The following UGT1A1 variants were observed in gnomAD, a reference collection of about 807,000 sequenced individuals.
UGT1A1 encodes UDP-glucuronosyltransferase 1A1.
Under a neutral mutation model 40.6 loss-of-function variants are expected in UGT1A1, and 33 were observed. The observed-to-expected ratio is 0.81, with a 90% CI of 0.62 to 1.09. The LOEUF is 1.09. Among genes scored for constraint, UGT1A1 ranks in the 50% least tolerant of loss-of-function variants. UGT1A1 has a pLI of 0.00. For missense variants in UGT1A1, 694 were observed against 671.2 expected, an observed-to-expected ratio of 1.03 and a Z score of -0.38; for synonymous variants, 249 against 265.0, an observed-to-expected ratio of 0.94 and a Z score of 0.59.
chr2:233,762,171 C>T (rs564011835), intron 1 of UGT1A1, among the ~76,000 whole-genome samples: 29 of 152,266 alleles, frequency 1.9e-4, no homozygotes, highest in African/African-American at 6.5e-4. Flanking sequence ...CTGTATGCGG[C>T]GTCCTCAACA....
At position 233,768,097 on chromosome 2, in the gene UGT1A1, T is replaced by C. The variant is rs1699562988; in HGVS notation, c.1085-123T>C. On this transcript the variant is annotated intron_variant, in intron 3 of 4. Transcript: ENST00000305208. ...GGGTATCTCAACCCACATTTTCTTC[T>C]GCAAATTTCTGCAAGGGCATGTGAG... The C allele has an allele frequency of 4.4e-6, 7 of 1,590,772 alleles. No homozygotes were observed. The Admixed American group carries it at 1.2e-4, about 28-fold the overall frequency.
intron 2 of UGT1A1, 111 bp downstream of exon 2, chr2:233,767,276 C>CGGAA (rs1699353550): frequency 6.3e-7 from 1 of 1,578,136 alleles, no homozygotes; most frequent in Non-Finnish European, 8.5e-7. Context: ...TTGGCTTTTC[C>CGGAA]CTGCCACTTC....
rs1338074257 is a variant in UGT1A1 at position 233,772,677 on chromosome 2, A to G, written c.*118A>G. On this transcript the variant is annotated 3_prime_UTR_variant, in exon 5 of 5. Transcript: ENST00000305208. ...ATTAAGGAAATACTTTGCATAAATTAATCAGCCCCAGAGTGCTTTAAAAAA... is the reference window on the plus strand; with the variant it reads ...ATTAAGGAAATACTTTGCATAAATTGATCAGCCCCAGAGTGCTTTAAAAAA... 14 of 1,531,978 alleles carry G rather than the reference A, an allele frequency of 9.1e-6. No homozygotes were observed. The highest frequency in any genetic ancestry group is 1.1e-5 in the Non-Finnish European group (13 of 1,142,190). 94.9% of individuals were successfully genotyped at this position (1,531,978 alleles called of 1,614,324 possible).
At chr2:233,771,613 G>GT (rs1296922590) in intron 4 of UGT1A1, 10 of 152,180 alleles carry the variant, frequency 6.6e-5, no homozygotes, top group Non-Finnish European at 1.2e-4. Flanking sequence ...AATTTCTGAC[G>GT]TGACATTTTC....
Position 233,760,276 on chromosome 2 carries a change from A to G in UGT1A1, c.-12A>G, listed in dbSNP as rs1040602725. 6.2e-7 allele frequency: 1 copy of G among 1,612,606 alleles called. No homozygotes were observed. The highest frequency in any genetic ancestry group is 1.1e-5 in the South Asian group (1 of 91,006). ...TAGGAGAGGGCGAACCTCTGGCAGG[A>G]GCAAAGGCGCCATGGCTGTGGAGTC... On this transcript the variant is annotated 5_prime_UTR_variant, in exon 1 of 5. Coordinates refer to ENST00000305208, the MANE Select transcript of UGT1A1 (RefSeq NM_000463.3).
In UGT1A1 at chr2:233,760,331, T is replaced by G. The variant is rs111033541; in HGVS notation, c.44T>G (p.Leu15Arg). ...SQGGRPLVLG[L>R]LLCVLGPVVS... ...GGCGGACGCCCACTTGTCCTGGGCCTGCTGCTGTGTGTGCTGGGCCCAGTG... is the reference window on the plus strand; with the variant it reads ...GGCGGACGCCCACTTGTCCTGGGCCGGCTGCTGTGTGTGCTGGGCCCAGTG... Residue 15 changes from leucine (L) to arginine (R), a missense_variant, in exon 1 of 5, where the codon CTG becomes CGG. Leu to Arg is a moderately radical substitution (Grantham distance 102). Transcript: ENST00000305208. 1.9e-6 allele frequency: 3 copies of G among 1,614,080 alleles called. No individual in the cohort carries two copies. Among genetic ancestry groups the G allele is most frequent in the Non-Finnish European group, 2.5e-6 (3 of 1,179,954 alleles).
At chr2:233,771,377 T>A (rs1700299205) in intron 4 of UGT1A1, 1 of 152,184 alleles carries the variant, frequency 6.6e-6, no homozygotes, top group Non-Finnish European at 1.5e-5. Flanking sequence ...CCGTTTTGGA[T>A]TGAGATGTTC....
chr2:233,772,784 A>G lies in UGT1A1; in HGVS notation c.*225A>G. ...CGTGCCCCCTCTGGTGTCTTTGATCAGGATGACATGTGCCATTTTTCAGAG... is the reference window on the plus strand; with the variant it reads ...CGTGCCCCCTCTGGTGTCTTTGATCGGGATGACATGTGCCATTTTTCAGAG... On this transcript the variant is annotated 3_prime_UTR_variant, in exon 5 of 5. Transcript: ENST00000305208. 1 of 1,271,314 alleles carries G rather than the reference A, an allele frequency of 7.9e-7. No homozygotes were observed. Among genetic ancestry groups the G allele is most frequent in the Non-Finnish European group, 1.0e-6 (1 of 961,544 alleles). 78.8% of individuals were successfully genotyped at this position (1,271,314 alleles called of 1,614,324 possible).
chr2:233,769,821 C>T lies in UGT1A1; in HGVS notation c.1304+1382C>T, dbSNP rs1699946575. 1.3e-6 allele frequency: 1 copy of T among 784,900 alleles called. No homozygotes were observed. 48.6% of individuals were successfully genotyped at this position (784,900 alleles called of 1,614,324 possible). A position where few individuals can be genotyped will look rare whatever the true frequency, so the allele number is the denominator to read the frequency against. The stretch of plus-strand genomic sequence containing the variant: ...TATGAGCCGTGATCATGCCACTGCA[C>T]TCCAGCAACCTGGGCAACAGAGTGA... On this transcript the variant is annotated intron_variant, in intron 4 of 4. Transcript: ENST00000305208. The surrounding 1 kb of genome is among the most constrained non-coding windows in gnomAD (Gnocchi z 4.4).
At chr2:233,764,754 C>T (rs955406982) in intron 1 of UGT1A1, among the ~76,000 whole-genome samples, 3 of 152,116 alleles carry the variant, frequency 2.0e-5, no homozygotes, top group African/African-American at 7.2e-5. Context: ...GTGGTGCAGA[C>T]CCTAGGGAGG....
intron 1 of UGT1A1, 151 bp downstream of exon 1, chr2:233,761,302 C>G: frequency 6.8e-7 from 1 of 1,473,836 alleles, no homozygotes. Context: ...AGGTTTGAGT[C>G]TGTCTTTGGC....
chr2:233,768,466 T>G (rs1161223448), intron 4 of UGT1A1, 27 bp downstream of exon 4: 2 of 1,605,760 alleles, frequency 1.2e-6, no homozygotes, highest in South Asian at 2.2e-5. Flanking sequence ...AGAAGAATAC[T>G]TTGGTCATGG....
rs1276169722 is a variant in UGT1A1 at position 233,760,928 on chromosome 2, T to C, written c.641T>C (p.Leu214Pro). The change falls in exon 1 of 5, where the codon CTC becomes CCC. Residue 214 changes from leucine to proline, a missense_variant. By Grantham distance (98) the Leu-to-Pro change is moderately conservative. Transcript: ENST00000305208. ...MTFLQRVKNM[L>P]IAFSQNFLCD... ...TTCCTGCAGCGGGTGAAGAACATGCTCATTGCCTTTTCACAGAACTTTCTG... is the reference window on the plus strand; with the variant it reads ...TTCCTGCAGCGGGTGAAGAACATGCCCATTGCCTTTTCACAGAACTTTCTG... 1.2e-6 allele frequency: 2 copies of C among 1,614,184 alleles called. No individual in the cohort carries two copies. The highest frequency in any genetic ancestry group is 1.7e-6 in the Non-Finnish European group (2 of 1,180,032).
chr2:233,762,498 T>G (rs1698092271), intron 1 of UGT1A1, among the ~76,000 whole-genome samples: 1 of 152,236 alleles, frequency 6.6e-6, no homozygotes, highest in African/African-American at 2.4e-5. Flanking sequence ...TGCTATTACT[T>G]TTTAAACTAT....
Position 233,769,463 on chromosome 2 carries a change from G to A in UGT1A1, c.1304+1024G>A. On this transcript the variant is annotated intron_variant, in intron 4 of 4. Coordinates refer to ENST00000305208, the MANE Select transcript of UGT1A1 (RefSeq NM_000463.3). The surrounding 1 kb of genome is among the most constrained non-coding windows in gnomAD (Gnocchi z 4.4). Reference sequence around the variant, plus strand: ...TGGGTGCACACGTGTGCATTCATATGCGTGTGTGTGTGTGTGCGTGTGTTT... The same window carrying A: ...TGGGTGCACACGTGTGCATTCATATACGTGTGTGTGTGTGTGCGTGTGTTT... 6.3e-7 allele frequency: 1 copy of A among 1,598,098 alleles called. No homozygotes were observed. The highest frequency in any genetic ancestry group is 8.6e-7 in the Non-Finnish European group (1 of 1,168,000).
At position 233,760,330 on chromosome 2, in the gene UGT1A1, C is replaced by G. The variant is rs2125982719; in HGVS notation, c.43C>G (p.Leu15Val). ...GGGCGGACGCCCACTTGTCCTGGGC[C>G]TGCTGCTGTGTGTGCTGGGCCCAGT... is the stretch of plus-strand genomic sequence containing the variant. ...SQGGRPLVLG[L>V]LLCVLGPVVS... Residue 15 changes from leucine to valine, a missense_variant, in exon 1 of 5, where the codon CTG (leucine) becomes GTG (valine). Physicochemically the swap from Leu to Val is conservative, Grantham distance 32. Coordinates refer to ENST00000305208, the MANE Select transcript of UGT1A1 (RefSeq NM_000463.3). 1 of 1,614,052 alleles carries G rather than the reference C, an allele frequency of 6.2e-7. No individual in the cohort carries two copies.
In UGT1A1 at chr2:233,761,530, G is replaced by A. The variant is rs544153828; in HGVS notation, c.864+379G>A. Among the ~76,000 whole-genome samples, 10 of 152,346 alleles carry A rather than the reference G, an allele frequency of 6.6e-5. No homozygotes were observed. In the East Asian group the frequency reaches 9.7e-4, roughly 15 times the overall value. ...CAGGCAGGCAATGTTCAGGACTGAT[G>A]AAATCATTCTTTGATGATGATAGAT... On this transcript the variant is annotated intron_variant, in intron 1 of 4. Coordinates refer to ENST00000305208, the MANE Select transcript of UGT1A1 (RefSeq NM_000463.3).
intron 1 of UGT1A1, among the ~76,000 whole-genome samples, chr2:233,765,843 C>T (rs546022798): frequency 6.6e-6 from 1 of 151,968 alleles, no homozygotes; most frequent in Admixed American, 6.6e-5. Flanking sequence ...TTTCCTTGTC[C>T]CCCTCACAGA....
intron 4 of UGT1A1, chr2:233,771,305 T>TC (rs1482676837): frequency 1.3e-5 from 2 of 152,218 alleles, no homozygotes. Context: ...TTCCTCCTCC[T>TC]TTTCCCTCTC....
Sources: allele counts gnomAD v4.1 joint callset (sites outside exome capture counted in the v4.1 genomes callset), GRCh38; gene constraint gnomAD v4.1.1; non-coding constraint Gnocchi (gnomAD v3.1); transcripts MANE v1.5; gene names NCBI Gene and HGNC (gene_info 2026-07-23, HGNC 2026-07-21).